The following NR4A3 variants were observed in gnomAD, a reference collection of about 807,000 sequenced individuals.
NR4A3 encodes the protein chondrosarcoma, extraskeletal myxoid, fused to EWS.
Under a neutral mutation model 55.6 loss-of-function variants are expected in NR4A3, and 13 were observed. That is an observed-to-expected ratio of 0.23 (90% confidence interval 0.15 to 0.37). The LOEUF (loss-of-function observed/expected upper bound fraction) is 0.37, where lower values mean the gene tolerates loss of function less well. Ranked by LOEUF, NR4A3 falls within the 10% of genes least tolerant of loss-of-function variation. NR4A3 has a pLI of 1.00. For missense variants in NR4A3, 646 were observed against 822.8 expected (o/e 0.79, Z 2.63); for synonymous variants, 342 against 357.9 (o/e 0.96, Z 0.50).
rs923567851 is a variant in NR4A3, at chr9:99,863,499, C to A, written c.1634-121C>A. Reference sequence around the variant, plus strand: ...TGAGCTATCTCTAACAGGGAGGGCACTTTGATTGCAAAGAAGCTATCCAAA... The same window carrying A: ...TGAGCTATCTCTAACAGGGAGGGCAATTTGATTGCAAAGAAGCTATCCAAA... On this transcript the variant is annotated intron_variant, in intron 7 of 7. Transcript: ENST00000395097. 5.6e-6 allele frequency: 7 copies of A among 1,254,242 alleles called. No homozygotes were observed. The African/African-American group carries it at 1.1e-4, about 19-fold the overall frequency. 77.7% of individuals were successfully genotyped at this position (1,254,242 alleles called of 1,614,324 possible). A position where few individuals can be genotyped will look rare whatever the true frequency, so the allele number is the denominator to read the frequency against.
Position 99,847,560 on chromosome 9 carries a change from C to T in NR4A3, c.1578C>T (p.Ser526=). ...AAGACTTTTCCTTAAATTTGCAGAG[C>T]CTGAACCTTGATATCCAAGCCTTAG... The part of the protein sequence containing the change: ...SIKDFSLNLQ[S]LNLDIQALAC... Residue 526 remains serine, a synonymous_variant, in exon 7 of 8, where the codon AGC becomes AGT. Transcript: ENST00000395097. The T allele has an allele frequency of 6.2e-7, 1 of 1,614,120 alleles. No individual in the cohort carries two copies. The highest frequency in any genetic ancestry group is 1.3e-5 in the African/African-American group (1 of 75,020).
At chr9:99,826,880 A>T in intron 2 of NR4A3, 3 of 1,393,054 alleles carry the variant, frequency 2.2e-6, no homozygotes, top group Non-Finnish European at 3.0e-6. Flanking sequence ...GACTCCAAAG[A>T]GGCGTTAAGC....
intron 5 of NR4A3, among the ~76,000 whole-genome samples, chr9:99,837,582 G>T (rs1025469560): frequency 7.3e-5 from 11 of 150,230 alleles, no homozygotes; most frequent in African/African-American, 2.4e-4. Context: ...ATCCATTGGG[G>T]TTTTTTTTTA....
intron 7 of NR4A3, among the ~76,000 whole-genome samples, chr9:99,852,669 A>G (rs575860502): frequency 7.2e-5 from 11 of 152,288 alleles, no homozygotes; most frequent in African/African-American, 2.4e-4. Flanking sequence ...TACTCAGGTC[A>G]TCTCTCAGGT....
At chr9:99,836,885 TTAA>T (rs963304475) in intron 5 of NR4A3, among the ~76,000 whole-genome samples, 5 of 152,238 alleles carry the variant, frequency 3.3e-5, no homozygotes, top group Non-Finnish European at 5.9e-5. Flanking sequence ...TTTTGTCTTT[TTAA>T]TAATAATCAT....
chr9:99,852,434 T>G (rs1398304687), intron 7 of NR4A3, among the ~76,000 whole-genome samples: 1 of 152,166 alleles, frequency 6.6e-6, no homozygotes, highest in Non-Finnish European at 1.5e-5. Flanking sequence ...AGTGGTGAGA[T>G]GATGTCTTGT....
chr9:99,824,715 G>T (rs987924113), intron 1 of NR4A3, among the ~76,000 whole-genome samples: 1 of 152,246 alleles, frequency 6.6e-6, no homozygotes, highest in Non-Finnish European at 1.5e-5. Context: ...TCTTCGAGCT[G>T]CGCCCACCCC....
chr9:99,824,079 T>C (rs1827239626), intron 1 of NR4A3, among the ~76,000 whole-genome samples: 1 of 152,032 alleles, frequency 6.6e-6, no homozygotes. Flanking sequence ...ACCCCAAGGC[T>C]CTGTGCTCCC....
rs1323647497 is a variant in NR4A3 at position 99,864,567 on chromosome 9, G to C, written c.*700G>C. 1 of 227,864 alleles carries C rather than the reference G, an allele frequency of 4.4e-6. No individual in the cohort carries two copies. The highest frequency in any genetic ancestry group is 2.2e-5 in the African/African-American group (1 of 45,030). 14.1% of individuals were successfully genotyped at this position (227,864 alleles called of 1,614,324 possible). On this transcript the variant is annotated 3_prime_UTR_variant, in exon 8 of 8. Coordinates refer to ENST00000395097, the MANE Select transcript of NR4A3 (RefSeq NM_006981.4). Reference sequence around the variant, plus strand: ...AAAGGAGGCAGTCATGTTAGCAAATGACACGTTAATATCCCTAGCAGAGGC... The same window carrying C: ...AAAGGAGGCAGTCATGTTAGCAAATCACACGTTAATATCCCTAGCAGAGGC...
At chr9:99,840,812 G>C (rs190671181) in intron 5 of NR4A3, among the ~76,000 whole-genome samples, 1 of 152,156 alleles carries the variant, frequency 6.6e-6, no homozygotes, top group Admixed American at 6.5e-5. Context: ...CTTTTGAAAG[G>C]GAGGATCTGC....
intron 5 of NR4A3, among the ~76,000 whole-genome samples, chr9:99,842,965 G>A (rs1232290311): frequency 1.3e-5 from 2 of 152,246 alleles, no homozygotes; most frequent in African/African-American, 2.4e-5. Context: ...GCACAGCCAT[G>A]TTAATGTGAA....
intron 3 of NR4A3, among the ~76,000 whole-genome samples, chr9:99,830,741 G>T (rs890320837): frequency 1.3e-5 from 2 of 152,152 alleles, no homozygotes; most frequent in African/African-American, 2.4e-5. Flanking sequence ...ATTTTTACAG[G>T]ATTTCAGTGG....
Position 99,828,693 on chromosome 9 carries a change from C to A in NR4A3, c.651C>A (p.Ala217=). Reference sequence around the variant, plus strand: ...ACCACCTCGGCTACGACCCGACGGCCGCTGCCGCGCTCAGCCTGCCGCTGG... The same window carrying A: ...ACCACCTCGGCTACGACCCGACGGCAGCTGCCGCGCTCAGCCTGCCGCTGG... ...GGHHLGYDPT[A]AAALSLPLGA... Residue 217 remains alanine (A), a synonymous_variant, in exon 3 of 8, where the codon GCC becomes GCA. Coordinates refer to ENST00000395097, the MANE Select transcript of NR4A3 (RefSeq NM_006981.4). The surrounding 1 kb of genome is among the most constrained non-coding windows in gnomAD (Gnocchi z 7.7). 7.5e-7 allele frequency: 1 copy of A among 1,331,254 alleles called. No homozygotes were observed. The highest frequency in any genetic ancestry group is 1.5e-5 in the African/African-American group (1 of 64,900). The allele number at this position is 1,331,254 out of a possible 1,614,324, so 82.5% of individuals were successfully genotyped here. A position where few individuals can be genotyped will look rare whatever the true frequency, so the allele number is the denominator to read the frequency against.
chr9:99,835,242 C>T (rs530950708), intron 5 of NR4A3, among the ~76,000 whole-genome samples: 5 of 152,344 alleles, frequency 3.3e-5, no homozygotes, highest in East Asian at 1.9e-4. Flanking sequence ...ATGCAGAACA[C>T]TCTAAAGATA....
At chr9:99,863,555 G>T (rs1281521032) in intron 7 of NR4A3, 65 bp from the exon 8 acceptor site, 1 of 1,541,518 alleles carries the variant, frequency 6.5e-7, no homozygotes, top group African/African-American at 1.4e-5. Context: ...CCTCAATTAG[G>T]GATTCAAAGT....
rs1281521032 is a variant in NR4A3, at chr9:99,863,555, G to A, written c.1634-65G>A. ...AGAATGAGACACAGACCTCAATTAG[G>A]GATTCAAAGTGTCTTAAGATGTATT... On this transcript the variant is annotated intron_variant, in intron 7 of 7. Transcript: ENST00000395097. The A allele has an allele frequency of 1.9e-6, 3 of 1,541,518 alleles. No homozygotes were observed. In the African/African-American group the frequency reaches 4.1e-5, roughly 21 times the overall value.
intron 5 of NR4A3, among the ~76,000 whole-genome samples, chr9:99,839,726 A>G (rs930727066): frequency 5.9e-5 from 9 of 152,262 alleles, no homozygotes; most frequent in Admixed American, 5.9e-4. Flanking sequence ...CTGACAGATC[A>G]ATAACCCCTA....
chr9:99,837,278 T>C (rs1028567122), intron 5 of NR4A3, among the ~76,000 whole-genome samples: 6 of 152,202 alleles, frequency 3.9e-5, no homozygotes, highest in African/African-American at 1.4e-4. Flanking sequence ...TCACTGAAAT[T>C]CAGTTTTCAT....
At chr9:99,843,602 T>C (rs1827693987) in intron 5 of NR4A3, among the ~76,000 whole-genome samples, 1 of 152,138 alleles carries the variant, frequency 6.6e-6, no homozygotes, top group Admixed American at 6.6e-5. Context: ...AAGAATTGCT[T>C]GAGTCTAGGA....
Sources: gnomAD v4.1 joint callset for allele counts (sites outside exome capture counted in the v4.1 genomes callset) on GRCh38, gnomAD v4.1.1 for gene constraint, Gnocchi (gnomAD v3.1) non-coding constraint, MANE v1.5 for transcripts, NCBI Gene and HGNC (gene_info 2026-07-23, HGNC 2026-07-21) for gene names.